Variants in TRHDE observed in about 807,000 individuals in gnomAD.
TRHDE encodes thyrotropin-releasing hormone-degrading ectoenzyme.
TRHDE carries 72 observed loss-of-function variants against 125.7 expected under a neutral mutation model. The ratio of observed to expected loss-of-function variants is 0.57; its 90% CI spans 0.47 to 0.70. The LOEUF (loss-of-function observed/expected upper bound fraction) is 0.70, where lower values mean the gene tolerates loss of function less well. TRHDE is among the 30% of genes least tolerant of loss of function. The pLI, the probability that TRHDE is intolerant of heterozygous loss-of-function variation, is 0.00. For synonymous variants in TRHDE, 509 were observed against 509.1 expected (o/e 1.00, Z 0.00); for missense variants, 1,110 against 1,327.1 (o/e 0.84, Z 2.54).
intron 5 of TRHDE, among the ~76,000 whole-genome samples, chr12:72,485,212 A>G (rs1006626059): frequency 6.6e-6 from 1 of 152,008 alleles, no homozygotes; most frequent in Non-Finnish European, 1.5e-5. Flanking sequence ...CCCCATCCCC[A>G]TGGCTCAAGT....
intron 6 of TRHDE, among the ~76,000 whole-genome samples, chr12:72,520,229 C>T (rs1879117722): frequency 6.6e-6 from 1 of 152,198 alleles, no homozygotes; most frequent in South Asian, 2.1e-4. Context: ...GGCGGGCGCC[C>T]CTCCCCCAGT....
chr12:72,275,839 G>C (rs975246117), intron 1 of TRHDE, among the ~76,000 whole-genome samples: 1 of 152,132 alleles, frequency 6.6e-6, no homozygotes, highest in Non-Finnish European at 1.5e-5. Flanking sequence ...AACTTGGTTG[G>C]AAGTTCAACC....
intron 3 of TRHDE, among the ~76,000 whole-genome samples, chr12:72,386,666 A>T (rs1055795369): frequency 1.3e-5 from 2 of 151,916 alleles, no homozygotes; most frequent in Non-Finnish European, 2.9e-5. Context: ...CACTGACTTG[A>T]ATTTCTCTCT....
chr12:72,231,911 A>C (rs1878254051), intron 2 of TRHDE, among the ~76,000 whole-genome samples: 2 of 152,292 alleles, frequency 1.3e-5, no homozygotes, highest in South Asian at 4.1e-4. Context: ...CGTGCCTTTT[A>C]GTTACAGCAG....
intron 2 of TRHDE, among the ~76,000 whole-genome samples, chr12:72,193,787 T>C (rs780671599): frequency 1.3e-5 from 2 of 152,156 alleles, no homozygotes; most frequent in Non-Finnish European, 2.9e-5. Context: ...GAGATATGTT[T>C]TCTCAGTCTC....
intron 2 of TRHDE, among the ~76,000 whole-genome samples, chr12:72,297,843 A>C (rs559459330): frequency 1.3e-5 from 2 of 152,284 alleles, no homozygotes; most frequent in African/African-American, 4.8e-5. Flanking sequence ...AAAAAGGATT[A>C]CTTATGCGGC....
intron 2 of TRHDE, among the ~76,000 whole-genome samples, chr12:72,250,837 G>GATATATAT (rs376713479): frequency 0.088 from 10,384 of 117,636 alleles, 601 homozygotes; most frequent in Admixed American, 0.12. Flanking sequence ...ATGACTTACA[G>GATATATAT]ATATATATAT....
At chr12:72,440,029 G>A in intron 3 of TRHDE, among the ~76,000 whole-genome samples, 1 of 151,776 alleles carries the variant, frequency 6.6e-6, no homozygotes, top group Admixed American at 6.6e-5. Flanking sequence ...TATGGTTTTT[G>A]TTCTTCATTC....
chr12:72,205,752 G>A (rs900890007), intron 2 of TRHDE, among the ~76,000 whole-genome samples: 1 of 152,092 alleles, frequency 6.6e-6, no homozygotes, highest in Non-Finnish European at 1.5e-5. Context: ...TTCTTTACCA[G>A]TTTATCAATT....
intron 7 of TRHDE, among the ~76,000 whole-genome samples, chr12:72,557,864 A>G (rs1161658996): frequency 6.6e-6 from 1 of 152,170 alleles, no homozygotes; most frequent in Admixed American, 6.5e-5. Context: ...ATATTTAAAT[A>G]TGATATTTTG....
chr12:72,120,674 CTTTTTTTTTTT>C (rs36076979), intron 2 of TRHDE, among the ~76,000 whole-genome samples: 3 of 118,776 alleles, frequency 2.5e-5, no homozygotes, highest in Admixed American at 8.9e-5. Context: ...TACTCTTTAA[CTTTTTTTTTTT>C]TTTTTTTTTT....
intron 9 of TRHDE, among the ~76,000 whole-genome samples, chr12:72,563,937 C>T (rs1391322314): frequency 6.6e-6 from 1 of 152,096 alleles, no homozygotes; most frequent in East Asian, 1.9e-4. Context: ...TTATCATTCA[C>T]CCATGTCTAG....
intron 2 of TRHDE, among the ~76,000 whole-genome samples, chr12:72,361,314 T>C (rs1592388257): frequency 6.6e-6 from 1 of 152,028 alleles, no homozygotes; most frequent in East Asian, 1.9e-4. Flanking sequence ...CCAGATATTT[T>C]AACAAAGTTA....
At chr12:72,656,826 T>A (rs1296255745) in intron 17 of TRHDE, 101 bp from the exon 18 acceptor site, 2 of 783,704 alleles carry the variant, frequency 2.6e-6, no homozygotes, top group African/African-American at 1.8e-5. Flanking sequence ...CTGACAACAC[T>A]GAGCAAATCG....
At chr12:72,193,153 A>G (rs1245073964) in intron 2 of TRHDE, among the ~76,000 whole-genome samples, 1 of 152,122 alleles carries the variant, frequency 6.6e-6, no homozygotes, top group Non-Finnish European at 1.5e-5. Flanking sequence ...ACAAACATAT[A>G]AAGAAAAAAA....
At chr12:72,603,614 A>G (rs1036025795) in intron 12 of TRHDE, among the ~76,000 whole-genome samples, 17 of 152,086 alleles carry the variant, frequency 1.1e-4, no homozygotes. Flanking sequence ...AGTCCCAGCT[A>G]CTAGGGAGGC....
intron 2 of TRHDE, among the ~76,000 whole-genome samples, chr12:72,287,221 A>C (rs970137493): frequency 4.6e-5 from 7 of 152,024 alleles, no homozygotes; most frequent in Non-Finnish European, 8.8e-5. Flanking sequence ...CTCTACCTGC[A>C]CTATTGTACA....
At chr12:72,374,837 C>T (rs912705806) in intron 2 of TRHDE, among the ~76,000 whole-genome samples, 1 of 151,834 alleles carries the variant, frequency 6.6e-6, no homozygotes, top group Non-Finnish European at 1.5e-5. Flanking sequence ...TCAAGGGAGA[C>T]TAAAAAAAGG....
At chr12:72,651,519 A>T (rs569431904) in intron 15 of TRHDE, among the ~76,000 whole-genome samples, 90 of 152,182 alleles carry the variant, frequency 5.9e-4, no homozygotes, top group African/African-American at 2.0e-3. Flanking sequence ...GCAAAATTAA[A>T]TTTTGAAACT....
Sources: gnomAD v4.1 joint callset for allele counts (sites outside exome capture counted in the v4.1 genomes callset) on GRCh38, gnomAD v4.1.1 for gene constraint, MANE v1.5 for transcripts, NCBI Gene and HGNC (gene_info 2026-07-23, HGNC 2026-07-21) for gene names.